Variants in SEPTIN10 observed in about 807,000 individuals in gnomAD.
SEPTIN10 encodes septin-10.
In SEPTIN10, 66 loss-of-function variants were observed where a neutral mutation model predicts 54.8. That is an observed-to-expected ratio of 1.21 (90% CI 0.99 to 1.48). The LOEUF (loss-of-function observed/expected upper bound fraction) is 1.48. Among genes scored for constraint, SEPTIN10 ranks in the 40% most tolerant of loss-of-function variants. SEPTIN10 has a pLI of 0.00. For missense variants in SEPTIN10, 620 were observed against 545.6 expected (o/e 1.14, Z -1.36); for synonymous variants, 161 against 181.0 (o/e 0.89, Z 0.89).
At chr2:109,584,153 A>G (rs973457768) in intron 4 of SEPTIN10, among the ~76,000 whole-genome samples, 2 of 152,332 alleles carry the variant, frequency 1.3e-5, no homozygotes, top group Non-Finnish European at 2.9e-5. Context: ...AATTGAAATT[A>G]TTTTTTAAAA....
At chr2:109,562,649 G>C (rs1014358484) in intron 8 of SEPTIN10, among the ~76,000 whole-genome samples, 1 of 152,096 alleles carries the variant, frequency 6.6e-6, no homozygotes, top group African/African-American at 2.4e-5. Flanking sequence ...TCTCCTCAGA[G>C]AGGACTTCAA....
At chr2:109,600,121 T>G (rs756499361) in intron 1 of SEPTIN10, among the ~76,000 whole-genome samples, 2 of 152,106 alleles carry the variant, frequency 1.3e-5, no homozygotes, top group African/African-American at 2.4e-5. Context: ...CTGGGCACAG[T>G]AGGGATGTCA....
At chr2:109,589,856 A>G (rs1693521397) in intron 2 of SEPTIN10, among the ~76,000 whole-genome samples, 1 of 152,130 alleles carries the variant, frequency 6.6e-6, no homozygotes, top group Non-Finnish European at 1.5e-5. Flanking sequence ...GATTCCAAAT[A>G]TCAAACAAGT....
At chr2:109,598,272 T>C (rs1695750384) in intron 1 of SEPTIN10, among the ~76,000 whole-genome samples, 2 of 151,966 alleles carry the variant, frequency 1.3e-5, no homozygotes, top group Admixed American at 1.3e-4. Context: ...TTCTCCACGT[T>C]GGTTAGGCTA....
Position 109,564,355 on chromosome 2 carries a change from C to T in SEPTIN10, c.1028+11G>A. On this transcript the variant is annotated intron_variant, in intron 8 of 10. Transcript: ENST00000397712. ...TCCTCTTTGGTTGGCTTCCCAAGAACCCCACCCTACCTGACTGGCTTGTTT... is the reference window on the plus strand; with the variant it reads ...TCCTCTTTGGTTGGCTTCCCAAGAATCCCACCCTACCTGACTGGCTTGTTT... 6.6e-7 allele frequency: 1 copy of T among 1,523,736 alleles called. No homozygotes were observed. Among genetic ancestry groups the T allele is most frequent in the Non-Finnish European group, 8.8e-7 (1 of 1,130,502 alleles). 94.4% of individuals were successfully genotyped at this position (1,523,736 alleles called of 1,614,324 possible).
chr2:109,601,505 G>A (rs914868763), intron 1 of SEPTIN10, among the ~76,000 whole-genome samples: 1 of 152,092 alleles, frequency 6.6e-6, no homozygotes, highest in Non-Finnish European at 1.5e-5. Flanking sequence ...ACATTTTTCA[G>A]CTTACTGGCC....
At chr2:109,576,725 A>G (rs986681040) in intron 4 of SEPTIN10, among the ~76,000 whole-genome samples, 1 of 152,206 alleles carries the variant, frequency 6.6e-6, no homozygotes. Context: ...TATGCTATTC[A>G]AGCATGAAAA....
At chr2:109,606,465 C>T (rs1697980924) in intron 1 of SEPTIN10, among the ~76,000 whole-genome samples, 1 of 151,958 alleles carries the variant, frequency 6.6e-6, no homozygotes, top group South Asian at 2.1e-4. Context: ...AAGTACTTGC[C>T]ATGGTGAATG....
chr2:109,557,980 A>G (rs1174659297), intron 8 of SEPTIN10, among the ~76,000 whole-genome samples: 1 of 151,898 alleles, frequency 6.6e-6, no homozygotes, highest in East Asian at 1.9e-4. Context: ...CTTTGTAGAG[A>G]CAGAGTTTTG....
chr2:109,567,725 A>T (rs1283705318), intron 6 of SEPTIN10, 90 bp downstream of exon 6: 1 of 1,225,778 alleles, frequency 8.2e-7, no homozygotes, highest in Admixed American at 2.7e-5. Flanking sequence ...TGGAAGACAC[A>T]AGTGAAAGTG....
In SEPTIN10 at chr2:109,574,448, A is replaced by T. The variant is rs926392564; in HGVS notation, c.600+133T>A. The T allele has an allele frequency of 3.0e-3, 1,614 of 536,478 alleles. 13 individuals are homozygous for T. The highest frequency in any genetic ancestry group is 0.029 in the African/African-American group (1,446 of 49,774). 33.2% of individuals were successfully genotyped at this position (536,478 alleles called of 1,614,324 possible). A position where few individuals can be genotyped will look rare whatever the true frequency, so the allele number is the denominator to read the frequency against. On this transcript the variant is annotated intron_variant, in intron 5 of 10. Coordinates refer to ENST00000397712, the MANE Select transcript of SEPTIN10 (RefSeq NM_144710.5). Reference sequence around the variant, plus strand: ...TGACAGAGTGACTTTATCTCTAAAAAAAAAAAAAAAAAAAAAAATTTAAAA... The same window carrying T: ...TGACAGAGTGACTTTATCTCTAAAATAAAAAAAAAAAAAAAAAATTTAAAA...
Position 109,585,696 on chromosome 2 carries a change from T to TA in SEPTIN10, c.217+24dup, listed in dbSNP as rs759455177. ...GCACAAGGAATATGAAGGAACAACT[T>TA]AGAGGAAGAGTAGGTGGCACGTACC... On this transcript the variant is annotated intron_variant, in intron 3 of 10. Transcript: ENST00000397712. 6.1e-6 allele frequency: 9 copies of TA among 1,474,590 alleles called. No individual in the cohort carries two copies. In the African/African-American group the frequency reaches 9.7e-5, roughly 16 times the overall value. The allele number at this position is 1,474,590 out of a possible 1,614,324, so 91.3% of individuals were successfully genotyped here.
At chr2:109,613,769 G>T (rs1699840083) in intron 1 of SEPTIN10, 29 bp downstream of exon 1, 7 of 1,215,204 alleles carry the variant, frequency 5.8e-6, no homozygotes, top group Non-Finnish European at 7.2e-6. Context: ...GGAGCGCGGG[G>T]CTGGGGCCCC....
chr2:109,603,993 C>G (rs1468407907), intron 1 of SEPTIN10, among the ~76,000 whole-genome samples: 1 of 151,432 alleles, frequency 6.6e-6, no homozygotes, highest in African/African-American at 2.4e-5. Context: ...AACCCCATCT[C>G]TACTAAAAAT....
intron 5 of SEPTIN10, among the ~76,000 whole-genome samples, chr2:109,573,648 C>G (rs2105410967): frequency 6.6e-6 from 1 of 152,304 alleles, no homozygotes; most frequent in South Asian, 2.1e-4. Flanking sequence ...ATTTTTAATT[C>G]AACTTATACA....
At chr2:109,597,856 A>G (rs1450305289) in intron 1 of SEPTIN10, among the ~76,000 whole-genome samples, 1 of 152,176 alleles carries the variant, frequency 6.6e-6, no homozygotes, top group Non-Finnish European at 1.5e-5. Flanking sequence ...CAGACACACA[A>G]TTCATCCTAG....
chr2:109,582,533 G>C, intron 4 of SEPTIN10, among the ~76,000 whole-genome samples: 1 of 151,972 alleles, frequency 6.6e-6, no homozygotes, highest in East Asian at 1.9e-4. Flanking sequence ...TGTTGCCCAG[G>C]CTAGTCTCAA....
intron 9 of SEPTIN10, among the ~76,000 whole-genome samples, chr2:109,551,184 T>C (rs1221291934): frequency 6.6e-6 from 1 of 152,206 alleles, no homozygotes; most frequent in Non-Finnish European, 1.5e-5. Flanking sequence ...CATCTAATGT[T>C]CACACACTAT....
Position 109,593,074 on chromosome 2 carries a change from G to A in SEPTIN10, c.76C>T (p.Gln26Ter). ...MATKTTCMSSQGSDDEQIKRE... is the reference protein window; with the variant it reads ...MATKTTCMSS ...ACTATCTGTTCATCATCTGATCCTTGTGAAGACATACAAGTTGTTTTCGTT... is the reference window on the plus strand; with the variant it reads ...ACTATCTGTTCATCATCTGATCCTTATGAAGACATACAAGTTGTTTTCGTT... Residue 26 changes from glutamine (Q) to a stop codon, truncating the protein, a stop_gained, in exon 2 of 11, where the codon CAA (glutamine) becomes TAA (stop). Coordinates refer to ENST00000397712, the MANE Select transcript of SEPTIN10 (RefSeq NM_144710.5). LOFTEE classifies it high-confidence loss of function. 2 of 1,601,050 alleles carry A rather than the reference G, an allele frequency of 1.2e-6. No individual in the cohort carries two copies. Among genetic ancestry groups the A allele is most frequent in the South Asian group, 1.1e-5 (1 of 87,888 alleles).
Sources: gnomAD v4.1 joint callset for allele counts (sites outside exome capture counted in the v4.1 genomes callset) on GRCh38, gnomAD v4.1.1 for gene constraint, MANE v1.5 for transcripts, NCBI Gene and HGNC (gene_info 2026-07-23, HGNC 2026-07-21) for gene names.